FAM78A: variants seen among roughly 807,000 people sequenced by gnomAD.
FAM78A encodes family with sequence similarity 78 member A.
FAM78A carries 12 observed loss-of-function variants against 22.6 expected under a neutral mutation model. The observed-to-expected ratio is 0.53, with a 90% confidence interval of 0.34 to 0.86. FAM78A has a LOEUF of 0.86. Among genes scored for constraint, FAM78A ranks in the 40% least tolerant of loss-of-function variants. The pLI is 0.02. For missense variants in FAM78A, 322 were observed against 396.1 expected (o/e 0.81, Z 1.59); for synonymous variants, 151 against 155.8 (o/e 0.97, Z 0.23).
Position 131,276,152 on chromosome 9 carries a change from G to A in FAM78A, c.28C>T (p.Pro10Ser), listed in dbSNP as rs201561158. The A allele has an allele frequency of 3.5e-5, 56 of 1,612,752 alleles. No individual in the cohort carries two copies. The Middle Eastern group carries it at 5.0e-4, about 14-fold the overall frequency. The change falls in exon 1 of 2, where the codon CCT (proline) becomes TCT (serine). Residue 10 changes from proline (P) to serine (S), a missense_variant. By Grantham distance (74) the Pro-to-Ser change is moderately conservative. Coordinates refer to ENST00000372271, the MANE Select transcript of FAM78A (RefSeq NM_033387.4). This position sits in a 1 kb window ranked among gnomAD's most constrained non-coding sequence, Gnocchi z 4.3. The part of the protein sequence containing the change: MPGFFCDCW[P>S]SLEIRALLYA... Reference sequence around the variant, plus strand: ...AGGAGCGCTCTGATCTCCAGGGAAGGCCAGCAGTCACAGAAAAAACCAGGC... The same window carrying A: ...AGGAGCGCTCTGATCTCCAGGGAAGACCAGCAGTCACAGAAAAAACCAGGC...
chr9:131,279,298 C>T (rs1446275584), upstream of FAM78A, among the ~76,000 whole-genome samples: 1 of 152,242 alleles, frequency 6.6e-6, no homozygotes, highest in African/African-American at 2.4e-5. Context: ...GGCCTCTTCA[C>T]CATGTGAAAT....
intron 1 of FAM78A, among the ~76,000 whole-genome samples, chr9:131,271,001 CTTTTTTTTTT>C (rs60077536): frequency 2.0e-4 from 14 of 70,402 alleles, no homozygotes; most frequent in African/African-American, 5.4e-4. Flanking sequence ...TCCCACCAGT[CTTTTTTTTTT>C]TTTTTTTTTT....
intron 1 of FAM78A, chr9:131,264,219 A>G: frequency 4.1e-6 from 1 of 241,812 alleles, no homozygotes; most frequent in Non-Finnish European, 8.0e-6. Context: ...AGCAGGACTG[A>G]GCAGCAAAAT....
In FAM78A at chr9:131,274,548, G is replaced by GC. The variant is rs1212418683; in HGVS notation, c.323+1308dup. 6.6e-6 allele frequency among the ~76,000 whole-genome samples: 1 copy of GC among 152,090 alleles called. No individual in the cohort carries two copies. The highest frequency in any genetic ancestry group is 2.4e-5 in the African/African-American group (1 of 41,394). On this transcript the variant is annotated intron_variant, in intron 1 of 1. Coordinates refer to ENST00000372271, the MANE Select transcript of FAM78A (RefSeq NM_033387.4). This position sits in a 1 kb window ranked among gnomAD's most constrained non-coding sequence, Gnocchi z 4.2. ...AGGGCCGGTGAGAGCCTCTAGATGTGCCCCCCATGTACCTCTTTGGGACAG... is the reference window on the plus strand; with the variant it reads ...AGGGCCGGTGAGAGCCTCTAGATGTGCCCCCCCATGTACCTCTTTGGGACAG...
At position 131,276,161 on chromosome 9, in the gene FAM78A, C is replaced by A. The variant is rs781466288; in HGVS notation, c.19G>T (p.Asp7Tyr). 62 of 1,611,406 alleles carry A rather than the reference C, an allele frequency of 3.8e-5. No individual in the cohort carries two copies. The highest frequency in any genetic ancestry group is 5.3e-5 in the Non-Finnish European group (62 of 1,179,046). MPGFFCDCWPSLEIRAL... is the reference protein window; with the variant it reads MPGFFCYCWPSLEIRAL... The stretch of plus-strand genomic sequence containing the variant: ...CTGATCTCCAGGGAAGGCCAGCAGT[C>A]ACAGAAAAAACCAGGCATTGAAAGG... The change falls in exon 1 of 2, where the codon GAC (aspartate) becomes TAC (tyrosine). Residue 7 changes from aspartate (D) to tyrosine (Y), a missense_variant. Coordinates refer to ENST00000372271, the MANE Select transcript of FAM78A (RefSeq NM_033387.4). This position sits in a 1 kb window ranked among gnomAD's most constrained non-coding sequence, Gnocchi z 4.3.
At chr9:131,270,853 T>C (rs1835410546) in intron 1 of FAM78A, among the ~76,000 whole-genome samples, 1 of 152,094 alleles carries the variant, frequency 6.6e-6, no homozygotes, top group Admixed American at 6.5e-5. Context: ...GACCACATCA[T>C]AAAATGAGGC....
chr9:131,275,774 TC>T lies in FAM78A; in HGVS notation c.323+82del. The T allele has an allele frequency of 7.1e-7, 1 of 1,402,666 alleles. No individual in the cohort carries two copies. Among genetic ancestry groups the T allele is most frequent in the Non-Finnish European group, 9.6e-7 (1 of 1,039,818 alleles). The allele number at this position is 1,402,666 out of a possible 1,614,324, so 86.9% of individuals were successfully genotyped here. A position where few individuals can be genotyped will look rare whatever the true frequency, so the allele number is the denominator to read the frequency against. Reference sequence around the variant, plus strand: ...TCCTGTCTTCATGGTATCTCCACCTTCCCCCTATCCGCGGCCCCCCACCAGG... The same window carrying T: ...TCCTGTCTTCATGGTATCTCCACCTTCCCCTATCCGCGGCCCCCCACCAGG... On this transcript the variant is annotated intron_variant, in intron 1 of 1. Coordinates refer to ENST00000372271, the MANE Select transcript of FAM78A (RefSeq NM_033387.4). This position sits in a 1 kb window ranked among gnomAD's most constrained non-coding sequence, Gnocchi z 4.6.
Position 131,261,483 on chromosome 9 carries a change from G to A in FAM78A, c.324-133C>T, listed in dbSNP as rs1462036721. The A allele has an allele frequency of 3.3e-5, 25 of 762,320 alleles. 1 individual carries two copies. The highest frequency in any genetic ancestry group is 2.7e-4 in the South Asian group (14 of 51,182). 47.2% of individuals were successfully genotyped at this position (762,320 alleles called of 1,614,324 possible). A position where few individuals can be genotyped will look rare whatever the true frequency, so the allele number is the denominator to read the frequency against. On this transcript the variant is annotated intron_variant, in intron 1 of 1. Transcript: ENST00000372271. The surrounding 1 kb of genome is among the most constrained non-coding windows in gnomAD (Gnocchi z 7.1). ...AGCAGACCACCCGGTCCCCTTTGAC[G>A]TTCTGGGGGCAGGGGGTCAGACAGT...
rs772848225 is a variant in FAM78A, at chr9:131,274,642, A to G, written c.323+1215T>C. 3.6e-4 allele frequency among the ~76,000 whole-genome samples: 55 copies of G among 152,184 alleles called. No homozygotes were observed. The highest frequency in any genetic ancestry group is 6.3e-4 in the Non-Finnish European group (43 of 68,032). On this transcript the variant is annotated intron_variant, in intron 1 of 1. Transcript: ENST00000372271. This position sits in a 1 kb window ranked among gnomAD's most constrained non-coding sequence, Gnocchi z 4.2. ...TTTCCTTTAGAACTTTGGAGTCATT[A>G]AGTAGAGAAGCCACCAGACTTGGTG...
At position 131,275,957 on chromosome 9, in the gene FAM78A, C is replaced by T. The variant is rs915607693; in HGVS notation, c.223G>A (p.Val75Met). The T allele has an allele frequency of 6.2e-7, 1 of 1,613,548 alleles. No homozygotes were observed. Among genetic ancestry groups the T allele is most frequent in the Admixed American group, 1.7e-5 (1 of 60,020 alleles). ...RTPHFRASAQ[V>M]VMPPIPKKET... ...TTCTTGGGGATGGGCGGCATGACCA[C>T]CTGGGCCGAGGCCCGGAAGTGGGGT... Residue 75 changes from valine (V) to methionine (M), a missense_variant, in exon 1 of 2, where the codon GTG (valine) becomes ATG (methionine). By Grantham distance (21) the Val-to-Met change is conservative. Coordinates refer to ENST00000372271, the MANE Select transcript of FAM78A (RefSeq NM_033387.4). This position sits in a 1 kb window ranked among gnomAD's most constrained non-coding sequence, Gnocchi z 4.6.
upstream of FAM78A, among the ~76,000 whole-genome samples, chr9:131,278,901 G>C (rs1282961384): frequency 6.6e-6 from 1 of 152,278 alleles, no homozygotes; most frequent in African/African-American, 2.4e-5. Context: ...CAGAGCCGGA[G>C]CACGCTGAGT....
At chr9:131,270,416 C>T (rs1478874791) in intron 1 of FAM78A, 5 of 717,458 alleles carry the variant, frequency 7.0e-6, no homozygotes, top group Non-Finnish European at 1.3e-5. Flanking sequence ...CAGTATGTAA[C>T]TTGTCATTTC....
chr9:131,263,057 C>T (rs538027123), intron 1 of FAM78A, among the ~76,000 whole-genome samples: 3 of 151,814 alleles, frequency 2.0e-5, no homozygotes, highest in South Asian at 4.2e-4. Context: ...CTGGGCAATA[C>T]GGTGAAACCC....
rs114279927 is a variant in FAM78A, at chr9:131,276,443, C to T, written c.-264G>A. ...TTAATGAATAATTATGCGGTTCTGA[C>T]ATCCAGCCCTTCTGTGCCTCACACG... On this transcript the variant is annotated 5_prime_UTR_variant, in exon 1 of 2. It removes an upstream start codon present in the reference 5' UTR. Transcript: ENST00000372271. The surrounding 1 kb of genome is among the most constrained non-coding windows in gnomAD (Gnocchi z 4.3). 836 of 361,350 alleles carry T rather than the reference C, an allele frequency of 2.3e-3. 11 individuals carry two copies. The highest frequency in any genetic ancestry group is 0.016 in the African/African-American group (778 of 47,780). 22.4% of individuals were successfully genotyped at this position (361,350 alleles called of 1,614,324 possible).
chr9:131,267,231 A>G (rs1003597013), intron 1 of FAM78A, among the ~76,000 whole-genome samples: 5 of 152,168 alleles, frequency 3.3e-5, no homozygotes, highest in Non-Finnish European at 7.4e-5. Context: ...AGCTGTTGAG[A>G]TGAGCCACCG....
At position 131,265,994 on chromosome 9, in the gene FAM78A, A is replaced by G. The variant is rs1835339140; in HGVS notation, c.324-4644T>C. On this transcript the variant is annotated intron_variant, in intron 1 of 1. Transcript: ENST00000372271. This position sits in a 1 kb window ranked among gnomAD's most constrained non-coding sequence, Gnocchi z 4.3. Reference sequence around the variant, plus strand: ...CATCACCCACCCAACAAACATCTGCAGGGCACCTGCTTTCCATGTCTCACG... The same window carrying G: ...CATCACCCACCCAACAAACATCTGCGGGGCACCTGCTTTCCATGTCTCACG... Among the ~76,000 whole-genome samples, 4 of 152,278 alleles carry G rather than the reference A, an allele frequency of 2.6e-5. 1 individual carries two copies. The South Asian group carries it at 8.3e-4, about 32-fold the overall frequency.
chr9:131,271,609 A>G (rs1004490757), intron 1 of FAM78A, among the ~76,000 whole-genome samples: 2 of 152,154 alleles, frequency 1.3e-5, no homozygotes, highest in Non-Finnish European at 2.9e-5. Flanking sequence ...CACCCAAAGA[A>G]ACCCTTTCTA....
intron 1 of FAM78A, among the ~76,000 whole-genome samples, chr9:131,264,902 T>C (rs1181037531): frequency 1.3e-5 from 2 of 152,068 alleles, no homozygotes; most frequent in Admixed American, 6.5e-5. Context: ...TTTGTACTTT[T>C]AGTAGAGACG....
rs1271776442 is a variant in FAM78A, at chr9:131,272,387, C to CG, written c.323+3469dup. Among the ~76,000 whole-genome samples, 3 of 152,200 alleles carry CG rather than the reference C, an allele frequency of 2.0e-5. No homozygotes were observed. The highest frequency in any genetic ancestry group is 1.3e-4 in the Admixed American group (2 of 15,280). ...GGACATTATTGACTGTCACAGCTTG[C>CG]GGGGATGTGCTCCTGGCATGGAGTG... On this transcript the variant is annotated intron_variant, in intron 1 of 1. Coordinates refer to ENST00000372271, the MANE Select transcript of FAM78A (RefSeq NM_033387.4). The surrounding 1 kb of genome is among the most constrained non-coding windows in gnomAD (Gnocchi z 4.1).
Sources: gnomAD v4.1 joint callset for allele counts (sites outside exome capture counted in the v4.1 genomes callset) on GRCh38, gnomAD v4.1.1 for gene constraint, Gnocchi (gnomAD v3.1) non-coding constraint, MANE v1.5 for transcripts, NCBI Gene and HGNC (gene_info 2026-07-23, HGNC 2026-07-21) for gene names.